OGFOD1: variants seen among roughly 807,000 people sequenced by gnomAD.
OGFOD1 encodes 2-oxoglutarate and iron dependent oxygenase domain containing 1.
Under a neutral mutation model 67.7 loss-of-function variants are expected in OGFOD1, and 54 were observed. The ratio of observed to expected loss-of-function variants is 0.80; its 90% CI spans 0.64 to 1.00. OGFOD1 has a LOEUF of 1.00. Ranked by LOEUF, OGFOD1 falls within the 50% of genes least tolerant of loss-of-function variation. The probability of loss-of-function intolerance (pLI) is 0.00; values close to 1 mark genes in which losing one functional copy is unlikely to be tolerated. For missense variants in OGFOD1, 606 were observed against 646.7 expected (o/e 0.94, Z 0.68); for synonymous variants, 221 against 227.0 (o/e 0.97, Z 0.24).
intron 2 of OGFOD1, 93 bp from the exon 3 acceptor site, chr16:56,458,455 A>G: frequency 1.8e-6 from 2 of 1,139,462 alleles, no homozygotes; most frequent in Non-Finnish European, 2.7e-6. Flanking sequence ...TCTTAATGAC[A>G]ATGCTAGGAC....
rs202141920 is a variant in OGFOD1, at chr16:56,459,640, CT to C, written c.347+1049del. On this transcript the variant is annotated intron_variant, in intron 3 of 12. Transcript: ENST00000566157. Reference sequence around the variant, plus strand: ...CTCACACAATCACTTTTGTGTCCTACTTTAATTGACAGCATTTTTTCCTTAG... The same window carrying C: ...CTCACACAATCACTTTTGTGTCCTACTTAATTGACAGCATTTTTTCCTTAG... 9.0e-3 allele frequency among the ~76,000 whole-genome samples: 1,368 copies of C among 152,242 alleles called. 36 individuals are homozygous for C. The highest frequency in any genetic ancestry group is 8.2e-3 in the Non-Finnish European group (556 of 68,014).
intron 10 of OGFOD1, among the ~76,000 whole-genome samples, chr16:56,473,449 T>C (rs1963297769): frequency 6.6e-6 from 1 of 152,206 alleles, no homozygotes; most frequent in African/African-American, 2.4e-5. Context: ...ATCCATTGTG[T>C]CTTCAGAATG....
chr16:56,452,063 C>T, intron 1 of OGFOD1: 1 of 313,384 alleles, frequency 3.2e-6, no homozygotes, highest in East Asian at 5.9e-5. Flanking sequence ...AATCCTCTCC[C>T]CTGATTGGGC....
In OGFOD1 at chr16:56,478,383, C is replaced by G. The variant is rs1435352431; in HGVS notation, c.*2178C>G. Reference sequence around the variant, plus strand: ...ACCATGTTGGCCAGGCTGGAGACCACAATTTTTTAACCACAGTGTAGCAAC... The same window carrying G: ...ACCATGTTGGCCAGGCTGGAGACCAGAATTTTTTAACCACAGTGTAGCAAC... On this transcript the variant is annotated 3_prime_UTR_variant, in exon 13 of 13. Coordinates refer to ENST00000566157, the MANE Select transcript of OGFOD1 (RefSeq NM_018233.4). 6.6e-6 allele frequency: 1 copy of G among 152,048 alleles called. No individual in the cohort carries two copies. The highest frequency in any genetic ancestry group is 1.5e-5 in the Non-Finnish European group (1 of 67,996). The allele number at this position is 152,048 out of a possible 1,614,324, so 9.4% of individuals were successfully genotyped here.
chr16:56,458,944 C>T (rs1962620939), intron 3 of OGFOD1: 2 of 260,142 alleles, frequency 7.7e-6, no homozygotes, highest in Admixed American at 5.1e-5. Flanking sequence ...AGATAGATAA[C>T]TTTATACACT....
In OGFOD1 at chr16:56,466,181, G is replaced by C. The variant is rs979004758; in HGVS notation, c.478G>C (p.Glu160Gln). The change falls in exon 5 of 13, where the codon GAA becomes CAA. Residue 160 changes from glutamate to glutamine, a missense_variant. Glu to Gln is a conservative substitution (Grantham distance 29). Coordinates refer to ENST00000566157, the MANE Select transcript of OGFOD1 (RefSeq NM_018233.4). ...CCTGCTGTGCCATGATGATGAGCTG[G>C]AAGGGCGCCGGATTGCCTTCATCCT... ...DALLCHDDEL[E>Q]GRRIAFILYL... is the part of the protein sequence containing the mutation. The C allele has an allele frequency of 4.3e-6, 7 of 1,613,988 alleles. No individual in the cohort carries two copies. Among genetic ancestry groups the C allele is most frequent in the Non-Finnish European group, 5.9e-6 (7 of 1,180,006 alleles).
At chr16:56,476,018 T>C in intron 12 of OGFOD1, 26 bp from the exon 13 acceptor site, 2 of 1,591,876 alleles carry the variant, frequency 1.3e-6, no homozygotes. Flanking sequence ...TGTGTTCTGA[T>C]GTGTCACTGT....
chr16:56,451,705 G>A lies in OGFOD1; in HGVS notation c.93G>A (p.Thr31=). The part of the protein sequence containing the change: ...EVMAEFSDAV[T]EETLKKQVAE... ...TGGCGGAGTTTTCGGACGCTGTTAC[G>A]GAAGAAACCTTGAAAAAGCAGGTGG... Residue 31 remains threonine (T), a synonymous_variant, in exon 1 of 13, where the codon ACG becomes ACA. Coordinates refer to ENST00000566157, the MANE Select transcript of OGFOD1 (RefSeq NM_018233.4). 1 of 1,614,068 alleles carries A rather than the reference G, an allele frequency of 6.2e-7. No homozygotes were observed. The highest frequency in any genetic ancestry group is 8.5e-7 in the Non-Finnish European group (1 of 1,180,018).
In OGFOD1 at chr16:56,463,384, G is replaced by GTTTTTTTTTTTTTT. The variant is rs56388148; in HGVS notation, c.448+767_448+780dup. ...TACTGCCATGTCATTTCTTTTTTGG[G>GTTTTTTTTTTTTTT]TTTTTTTTTTTTTTTTTTTTTTTTT... On this transcript the variant is annotated intron_variant, in intron 4 of 12. Coordinates refer to ENST00000566157, the MANE Select transcript of OGFOD1 (RefSeq NM_018233.4). 2.1e-4 allele frequency among the ~76,000 whole-genome samples: 9 copies of GTTTTTTTTTTTTTT among 43,808 alleles called. 1 individual carries two copies. The highest frequency in any genetic ancestry group is 3.0e-4 in the African/African-American group (3 of 10,008). 28.7% of individuals were successfully genotyped at this position (43,808 alleles called of 152,430 possible). A position where few individuals can be genotyped will look rare whatever the true frequency, so the allele number is the denominator to read the frequency against.
In OGFOD1 at chr16:56,477,874, A is replaced by G. The variant is rs1301665957; in HGVS notation, c.*1669A>G. The G allele has an allele frequency of 6.6e-6, 1 of 152,094 alleles. No homozygotes were observed. Among genetic ancestry groups the G allele is most frequent in the Non-Finnish European group, 1.5e-5 (1 of 68,018 alleles). The allele number at this position is 152,094 out of a possible 1,614,324, so 9.4% of individuals were successfully genotyped here. A position where few individuals can be genotyped will look rare whatever the true frequency, so the allele number is the denominator to read the frequency against. The stretch of plus-strand genomic sequence containing the variant: ...CTTTTGAGTATTCATTCTTTTCTGA[A>G]GTTTGCATTTAAATGAAAATGACTT... On this transcript the variant is annotated 3_prime_UTR_variant, in exon 13 of 13. Transcript: ENST00000566157.
In OGFOD1 at chr16:56,453,540, G is replaced by C. The variant is rs1962412585; in HGVS notation, c.300+132G>C. ...AGTCCTTGCATTGACATTCTTAAGA[G>C]CATGCCTTCATTTAACCAAGCTTAC... On this transcript the variant is annotated intron_variant, in intron 2 of 12. Coordinates refer to ENST00000566157, the MANE Select transcript of OGFOD1 (RefSeq NM_018233.4). 5.1e-6 allele frequency: 4 copies of C among 791,326 alleles called. No homozygotes were observed. In the East Asian group the frequency reaches 1.1e-4, roughly 21 times the overall value. 49.0% of individuals were successfully genotyped at this position (791,326 alleles called of 1,614,324 possible).
Position 56,453,357 on chromosome 16 carries a change from G to T in OGFOD1, c.249G>T (p.Leu83=). 6.2e-7 allele frequency: 1 copy of T among 1,614,062 alleles called. No individual in the cohort carries two copies. Among genetic ancestry groups the T allele is most frequent in the South Asian group, 1.1e-5 (1 of 91,060 alleles). The change falls in exon 2 of 13, where the codon CTG becomes CTT. Residue 83 remains leucine (L), a synonymous_variant. Transcript: ENST00000566157. ...QDFLEGLQKE[L]MNLDFHEKYN... is the part of the protein sequence containing the mutation. ...TCTTAGAAGGGCTTCAGAAGGAACT[G>T]ATGAACTTGGACTTCCATGAGAAGT...
intron 4 of OGFOD1, chr16:56,465,948 GCT>G (rs1962880342): frequency 4.1e-6 from 2 of 491,224 alleles, no homozygotes; most frequent in South Asian, 5.3e-5. Context: ...CTAATTATGT[GCT>G]CTTTATTTTT....
chr16:56,456,804 T>C (rs1962538036), intron 2 of OGFOD1, among the ~76,000 whole-genome samples: 1 of 152,238 alleles, frequency 6.6e-6, no homozygotes, highest in Non-Finnish European at 1.5e-5. Context: ...AGCCTAGGTA[T>C]ATATTAAGTT....
intron 4 of OGFOD1, among the ~76,000 whole-genome samples, chr16:56,464,841 GAAGA>G (rs1410837383): frequency 6.6e-6 from 1 of 152,022 alleles, no homozygotes; most frequent in African/African-American, 2.4e-5. Context: ...TCCTTTTAGT[GAAGA>G]AAGATACTTA....
intron 2 of OGFOD1, among the ~76,000 whole-genome samples, chr16:56,457,448 A>T (rs1378200420): frequency 6.6e-6 from 1 of 152,254 alleles, no homozygotes; most frequent in Admixed American, 6.5e-5. Context: ...GGAGTGTTAA[A>T]AAGTTCTGAA....
chr16:56,458,221 G>C (rs1962592277), intron 2 of OGFOD1: 2 of 274,590 alleles, frequency 7.3e-6, no homozygotes, highest in Non-Finnish European at 1.4e-5. Context: ...TTCTTTCCCT[G>C]GGTTTCTTTT....
chr16:56,462,929 ACT>A (rs1438884380), intron 4 of OGFOD1, among the ~76,000 whole-genome samples: 3 of 152,152 alleles, frequency 2.0e-5, no homozygotes, highest in Admixed American at 2.0e-4. Context: ...TGATATATAA[ACT>A]CTATTCTTAG....
Position 56,476,352 on chromosome 16 carries a change from G to A in OGFOD1, c.*147G>A. ...GTTGTCTTTTACTAGGACTCATAAT[G>A]ATTGTCCTCAACCGAGACCTTGAGC... On this transcript the variant is annotated 3_prime_UTR_variant, in exon 13 of 13. Transcript: ENST00000566157. 1 of 620,400 alleles carries A rather than the reference G, an allele frequency of 1.6e-6. No homozygotes were observed. The highest frequency in any genetic ancestry group is 2.6e-6 in the Non-Finnish European group (1 of 379,320). 38.4% of individuals were successfully genotyped at this position (620,400 alleles called of 1,614,324 possible).
Sources: gnomAD v4.1 joint callset for allele counts (sites outside exome capture counted in the v4.1 genomes callset) on GRCh38, gnomAD v4.1.1 for gene constraint, MANE v1.5 for transcripts, NCBI Gene and HGNC (gene_info 2026-07-23, HGNC 2026-07-21) for gene names.